GUCY1A2: variants seen among roughly 807,000 people sequenced by gnomAD.
GUCY1A2 encodes guanylate cyclase 1 soluble subunit alpha 2.
Under a neutral mutation model 63.5 loss-of-function variants are expected in GUCY1A2, and 27 were observed. The ratio of observed to expected loss-of-function variants is 0.43; its 90% CI spans 0.31 to 0.59. The LOEUF (loss-of-function observed/expected upper bound fraction) is 0.59, where lower values mean the gene tolerates loss of function less well. GUCY1A2 is among the 20% of genes least tolerant of loss of function. The pLI, the probability that GUCY1A2 is intolerant of heterozygous loss-of-function variation, is 0.11. For missense variants in GUCY1A2, 768 were observed against 913.3 expected (o/e 0.84, Z 2.05); for synonymous variants, 364 against 343.5 (o/e 1.06, Z -0.66).
chr11:106,924,385 G>A (rs1860491158), intron 4 of GUCY1A2, among the ~76,000 whole-genome samples: 2 of 152,182 alleles, frequency 1.3e-5, no homozygotes, highest in African/African-American at 4.8e-5. Context: ...ATAAAAATAA[G>A]AACTTTATAC....
intron 2 of GUCY1A2, among the ~76,000 whole-genome samples, chr11:106,979,271 C>T (rs1044081187): frequency 4.6e-5 from 7 of 152,000 alleles, no homozygotes; most frequent in South Asian, 2.1e-4. Context: ...CTGGCTAACA[C>T]GGTGAAACCC....
chr11:106,862,419 G>A (rs1859526203), intron 4 of GUCY1A2, among the ~76,000 whole-genome samples: 1 of 151,852 alleles, frequency 6.6e-6, no homozygotes, highest in Non-Finnish European at 1.5e-5. Flanking sequence ...ATTTAACCAT[G>A]CTCAGCATCC....
intron 4 of GUCY1A2, among the ~76,000 whole-genome samples, chr11:106,908,128 T>C (rs1477569181): frequency 6.6e-6 from 1 of 152,060 alleles, no homozygotes; most frequent in Non-Finnish European, 1.5e-5. Flanking sequence ...AAAAGCACCA[T>C]CAAAGAGATA....
At chr11:106,691,090 AAC>A (rs1862615359) in intron 7 of GUCY1A2, among the ~76,000 whole-genome samples, 1 of 152,202 alleles carries the variant, frequency 6.6e-6, no homozygotes, top group Non-Finnish European at 1.5e-5. Flanking sequence ...GCTCAAATAG[AAC>A]AGTCATCAAT....
At chr11:106,750,050 C>G (rs753447016) in intron 6 of GUCY1A2, among the ~76,000 whole-genome samples, 8 of 152,054 alleles carry the variant, frequency 5.3e-5, no homozygotes, top group Non-Finnish European at 1.0e-4. Context: ...TATAATTTCT[C>G]AGTCCAAGTT....
intron 1 of GUCY1A2, among the ~76,000 whole-genome samples, chr11:106,988,020 T>C (rs1476777928): frequency 6.6e-6 from 1 of 152,164 alleles, no homozygotes; most frequent in Non-Finnish European, 1.5e-5. Context: ...AGCAGCTGCT[T>C]TTCACTTATA....
At chr11:106,775,995 A>T (rs1864350648) in intron 6 of GUCY1A2, among the ~76,000 whole-genome samples, 1 of 151,932 alleles carries the variant, frequency 6.6e-6, no homozygotes, top group Non-Finnish European at 1.5e-5. Flanking sequence ...CACAAGAAAA[A>T]CTCCAGAAGT....
At chr11:106,765,101 A>C (rs1055803752) in intron 6 of GUCY1A2, among the ~76,000 whole-genome samples, 1 of 151,526 alleles carries the variant, frequency 6.6e-6, no homozygotes, top group African/African-American at 2.4e-5. Flanking sequence ...GTCTTTTTTT[A>C]TCTTTTAAGT....
intron 4 of GUCY1A2, among the ~76,000 whole-genome samples, chr11:106,903,251 C>A (rs1020798309): frequency 6.6e-6 from 1 of 152,078 alleles, no homozygotes; most frequent in Non-Finnish European, 1.5e-5. Context: ...GCCTTCACAG[C>A]CAGTCAATTT....
intron 6 of GUCY1A2, among the ~76,000 whole-genome samples, chr11:106,771,648 A>G (rs1864258086): frequency 6.6e-6 from 1 of 151,966 alleles, no homozygotes; most frequent in Admixed American, 6.6e-5. Context: ...GCTACTCCAG[A>G]GACTGAGTTG....
intron 3 of GUCY1A2, among the ~76,000 whole-genome samples, chr11:106,968,906 G>A (rs1173960759): frequency 6.6e-6 from 1 of 152,068 alleles, no homozygotes; most frequent in Admixed American, 6.6e-5. Flanking sequence ...TATTAGATTT[G>A]AAAAGATGTC....
At chr11:107,000,764 C>T (rs1391366610) in intron 1 of GUCY1A2, among the ~76,000 whole-genome samples, 1 of 152,150 alleles carries the variant, frequency 6.6e-6, no homozygotes, top group Non-Finnish European at 1.5e-5. Flanking sequence ...GTAAGACTCT[C>T]TCTATCCTTT....
At chr11:106,788,491 G>A (rs1864604007) in intron 5 of GUCY1A2, among the ~76,000 whole-genome samples, 1 of 152,054 alleles carries the variant, frequency 6.6e-6, no homozygotes, top group Admixed American at 6.6e-5. Context: ...TTTCTCTAAT[G>A]TTTTCTTTTA....
chr11:106,862,471 T>C (rs1023594552), intron 4 of GUCY1A2, among the ~76,000 whole-genome samples: 1 of 121,738 alleles, frequency 8.2e-6, no homozygotes, highest in Non-Finnish European at 1.7e-5. Context: ...CTGGATTTTA[T>C]TTAACTCTGT....
intron 7 of GUCY1A2, among the ~76,000 whole-genome samples, chr11:106,691,664 A>G (rs1862628572): frequency 6.6e-6 from 1 of 152,200 alleles, no homozygotes; most frequent in African/African-American, 2.4e-5. Context: ...ACTTTTCACA[A>G]TGAATTGATC....
At chr11:106,931,012 C>T (rs1305651949) in intron 4 of GUCY1A2, among the ~76,000 whole-genome samples, 1 of 152,226 alleles carries the variant, frequency 6.6e-6, no homozygotes, top group African/African-American at 2.4e-5. Flanking sequence ...AAAGCCCAGA[C>T]TTACATTTCT....
At chr11:106,734,138 G>A (rs905273309) in intron 6 of GUCY1A2, among the ~76,000 whole-genome samples, 1 of 152,044 alleles carries the variant, frequency 6.6e-6, no homozygotes, top group African/African-American at 2.4e-5. Flanking sequence ...CACTTTTAAT[G>A]AACCTTATCA....
intron 3 of GUCY1A2, among the ~76,000 whole-genome samples, chr11:106,966,354 C>CA: frequency 6.6e-6 from 1 of 152,118 alleles, no homozygotes; most frequent in Non-Finnish European, 1.5e-5. Context: ...GTGATCCACC[C>CA]ACCTTGGCCT....
rs1412049930 is a variant in GUCY1A2, at chr11:106,678,352, T to G, written c.*9197A>C. On this transcript the variant is annotated 3_prime_UTR_variant, in exon 8 of 8. Coordinates refer to ENST00000526355, the MANE Select transcript of GUCY1A2 (RefSeq NM_000855.3). The stretch of plus-strand genomic sequence containing the variant: ...ATTCAGAAGGAGGGTTTCACATTAT[T>G]GATAAATCAACTAGCTGTTTTCATA... 1 of 209,806 alleles carries G rather than the reference T, an allele frequency of 4.8e-6. No homozygotes were observed. The highest frequency in any genetic ancestry group is 1.9e-4 in the South Asian group (1 of 5,332). The allele number at this position is 209,806 out of a possible 1,614,324, so 13.0% of individuals were successfully genotyped here.
Sources: gnomAD v4.1 joint callset for allele counts (sites outside exome capture counted in the v4.1 genomes callset) on GRCh38, gnomAD v4.1.1 for gene constraint, MANE v1.5 for transcripts, NCBI Gene and HGNC (gene_info 2026-07-23, HGNC 2026-07-21) for gene names.